Variants in BBC3 observed in about 807,000 individuals in gnomAD.
BBC3 encodes BCL2 binding component 3.
In BBC3, 5 loss-of-function variants were observed where a neutral mutation model predicts 18.2. The observed-to-expected ratio is 0.27, with a 90% CI of 0.14 to 0.58. BBC3 has a LOEUF of 0.58. Among genes scored for constraint, BBC3 ranks in the 20% least tolerant of loss-of-function variants. The pLI is 0.91. For synonymous variants in BBC3, 119 were observed against 128.0 expected (o/e 0.93, Z 0.47); for missense variants, 224 against 268.9 (o/e 0.83, Z 1.17).
intron 3 of BBC3, among the ~76,000 whole-genome samples, chr19:47,224,265 A>T (rs1240170294): frequency 6.6e-6 from 1 of 152,140 alleles, no homozygotes; most frequent in Non-Finnish European, 1.5e-5. Context: ...ATTGCACTCC[A>T]ACCTGGGCAA....
upstream of BBC3, chr19:47,232,742 G>A (rs1336891148): frequency 2.8e-6 from 2 of 709,598 alleles, no homozygotes; most frequent in South Asian, 2.2e-5. Flanking sequence ...ATCCTTACTG[G>A]GTCTCACCCA....
At chr19:47,226,416 C>T (rs1316378370) in intron 3 of BBC3, 148 bp downstream of exon 3, 2 of 263,650 alleles carry the variant, frequency 7.6e-6, no homozygotes, top group Non-Finnish European at 1.5e-5. Flanking sequence ...CGCGCGATTC[C>T]CCCCCACCCA....
Position 47,230,891 on chromosome 19 carries a change from G to A in BBC3, c.-16+38C>T. On this transcript the variant is annotated intron_variant, in intron 1 of 3. Coordinates refer to ENST00000439096, the MANE Select transcript of BBC3 (RefSeq NM_014417.5). This position sits in a 1 kb window ranked among gnomAD's most constrained non-coding sequence, Gnocchi z 6.7. Reference sequence around the variant, plus strand: ...TCCAGGGAGTCCACCCGGCCTGGCCGATCGCCGCCGGAGAGGATTCGGGGC... The same window carrying A: ...TCCAGGGAGTCCACCCGGCCTGGCCAATCGCCGCCGGAGAGGATTCGGGGC... The A allele has an allele frequency of 1.0e-6, 1 of 981,884 alleles. No individual in the cohort carries two copies. Among genetic ancestry groups the A allele is most frequent in the African/African-American group, 1.7e-5 (1 of 57,220 alleles). 60.8% of individuals were successfully genotyped at this position (981,884 alleles called of 1,614,324 possible).
intron 3 of BBC3, among the ~76,000 whole-genome samples, chr19:47,223,966 A>T (rs1299294437): frequency 6.6e-6 from 1 of 152,076 alleles, no homozygotes; most frequent in Non-Finnish European, 1.5e-5. Flanking sequence ...ACAAGAGCGC[A>T]CCCGGAAATA....
rs560015110 is a variant in BBC3 at position 47,221,669 on chromosome 19, C to G, written c.*133G>C. 1 of 1,528,374 alleles carries G rather than the reference C, an allele frequency of 6.5e-7. No individual in the cohort carries two copies. The highest frequency in any genetic ancestry group is 8.7e-7 in the Non-Finnish European group (1 of 1,143,388). 94.7% of individuals were successfully genotyped at this position (1,528,374 alleles called of 1,614,324 possible). ...GCTGGAGTGGCTGCCCCGGCCCGCC[C>G]CCGGGACAGGCAGGGCTGGGAGTCC... On this transcript the variant is annotated 3_prime_UTR_variant, in exon 4 of 4. Coordinates refer to ENST00000439096, the MANE Select transcript of BBC3 (RefSeq NM_014417.5).
intron 3 of BBC3, among the ~76,000 whole-genome samples, chr19:47,223,530 G>A (rs1193688743): frequency 6.6e-6 from 1 of 152,100 alleles, no homozygotes; most frequent in Non-Finnish European, 1.5e-5. Context: ...TTGCACCACT[G>A]CACTCCAGCC....
rs920158987 is a variant in BBC3 at position 47,223,464 on chromosome 19, G to A, written c.466-1546C>T. ...CACCTGTATTCCCAGCTACTAGGGA[G>A]GCCAAGGCAGGAGAATCGCTTGAAC... On this transcript the variant is annotated intron_variant, in intron 3 of 3. Coordinates refer to ENST00000439096, the MANE Select transcript of BBC3 (RefSeq NM_014417.5). Among the ~76,000 whole-genome samples the A allele has an allele frequency of 3.3e-5, 5 of 151,938 alleles. No homozygotes were observed. In the South Asian group the frequency reaches 6.2e-4, roughly 19 times the overall value.
chr19:47,221,981 T>C, intron 3 of BBC3, 63 bp from the exon 4 acceptor site: 1 of 1,428,600 alleles, frequency 7.0e-7, no homozygotes, highest in Non-Finnish European at 9.5e-7. Context: ...GGAGTGGGGA[T>C]GGTCAGCTCC....
chr19:47,221,861 T>A lies in BBC3; in HGVS notation c.523A>T (p.Ile175Phe). Reference sequence around the variant, plus strand: ...CTGGGTAAGGGCAGGAGTCCCATGATGAGATTGTACAGGACCCTCCAGGGT... The same window carrying A: ...CTGGGTAAGGGCAGGAGTCCCATGAAGAGATTGTACAGGACCCTCCAGGGT... The part of the protein sequence containing the change: ...PSPWRVLYNL[I>F]MGLLPLPRGH... The change falls in exon 4 of 4, where the codon ATC becomes TTC. Residue 175 changes from isoleucine (I) to phenylalanine (F), a missense_variant. Transcript: ENST00000439096. The A allele has an allele frequency of 6.2e-7, 1 of 1,603,964 alleles. No homozygotes were observed. Among genetic ancestry groups the A allele is most frequent in the Non-Finnish European group, 8.5e-7 (1 of 1,171,328 alleles).
chr19:47,226,146 G>T (rs1328633664), intron 3 of BBC3, among the ~76,000 whole-genome samples: 1 of 151,702 alleles, frequency 6.6e-6, no homozygotes, highest in African/African-American at 2.4e-5. Context: ...CCGCCCCGGC[G>T]CCCGGGAAAC....
At chr19:47,229,817 C>T (rs1269809821) in intron 1 of BBC3, among the ~76,000 whole-genome samples, 2 of 151,964 alleles carry the variant, frequency 1.3e-5, no homozygotes, top group Non-Finnish European at 2.9e-5. Context: ...CACACACATA[C>T]ATACACACAC....
At chr19:47,232,220 G>T (rs902793266), upstream of BBC3, among the ~76,000 whole-genome samples, 1 of 152,030 alleles carries the variant, frequency 6.6e-6, no homozygotes, top group Non-Finnish European at 1.5e-5. Flanking sequence ...GCGTTGTGGC[G>T]CATGCCTGTA....
At chr19:47,223,797 T>C (rs984507468) in intron 3 of BBC3, among the ~76,000 whole-genome samples, 2 of 152,078 alleles carry the variant, frequency 1.3e-5, no homozygotes, top group African/African-American at 4.8e-5. Flanking sequence ...CTAGCAACTC[T>C]TGGGGCCAGG....
intron 3 of BBC3, among the ~76,000 whole-genome samples, chr19:47,225,005 G>T (rs924329556): frequency 6.6e-6 from 1 of 151,926 alleles, no homozygotes; most frequent in Non-Finnish European, 1.5e-5. Flanking sequence ...TCTGCCTCCC[G>T]GTTTCAAGCA....
Position 47,221,899 on chromosome 19 carries a change from C to G in BBC3, c.485G>C (p.Arg162Pro), listed in dbSNP as rs766673586. 1 of 1,606,710 alleles carries G rather than the reference C, an allele frequency of 6.2e-7. No homozygotes were observed. Among genetic ancestry groups the G allele is most frequent in the East Asian group, 2.2e-5 (1 of 44,472 alleles). The part of the protein sequence containing the change: ...YERRRQEEQQ[R>P]HRPSPWRVLY... ...GACCCTCCAGGGTGAGGGGCGGTGC[C>G]GCTGCTGCTCCTCTTGTCTCTGGGG... is the stretch of plus-strand genomic sequence containing the variant. Residue 162 changes from arginine to proline, a missense_variant, in exon 4 of 4, where the codon CGG (arginine) becomes CCG (proline). By Grantham distance (103) the Arg-to-Pro change is moderately radical. Transcript: ENST00000439096.
chr19:47,232,429 C>A (rs748525261), upstream of BBC3: 121 of 1,170,250 alleles, frequency 1.0e-4, no homozygotes, highest in Middle Eastern at 6.0e-4. Flanking sequence ...ACCACCCACA[C>A]ATGTCACAAA....
chr19:47,225,403 G>A (rs897824828), intron 3 of BBC3, among the ~76,000 whole-genome samples: 1 of 151,744 alleles, frequency 6.6e-6, no homozygotes, highest in Non-Finnish European at 1.5e-5. Context: ...TGTCCCCCAG[G>A]CTGGAGTTCA....
At chr19:47,231,250 C>T, upstream of BBC3, 1 of 962,582 alleles carries the variant, frequency 1.0e-6, no homozygotes. This position sits in a 1 kb window ranked among gnomAD's most constrained non-coding sequence, Gnocchi z 4.0. Context: ...CGCCCCGCCC[C>T]GCCCCGCCCC....
Position 47,221,872 on chromosome 19 carries a change from A to G in BBC3, c.512T>C (p.Leu171Pro). The G allele has an allele frequency of 1.2e-6, 2 of 1,612,776 alleles. No individual in the cohort carries two copies. Among genetic ancestry groups the G allele is most frequent in the Non-Finnish European group, 1.7e-6 (2 of 1,179,534 alleles). ...CAGGAGTCCCATGATGAGATTGTACAGGACCCTCCAGGGTGAGGGGCGGTG... is the reference window on the plus strand; with the variant it reads ...CAGGAGTCCCATGATGAGATTGTACGGGACCCTCCAGGGTGAGGGGCGGTG... Reference protein sequence around the residue: ...QRHRPSPWRVLYNLIMGLLPL... With the variant: ...QRHRPSPWRVPYNLIMGLLPL... Residue 171 changes from leucine to proline, a missense_variant, in exon 4 of 4, where the codon CTG (leucine) becomes CCG (proline). Transcript: ENST00000439096.
Sources: gnomAD v4.1 joint callset for allele counts (sites outside exome capture counted in the v4.1 genomes callset) on GRCh38, gnomAD v4.1.1 for gene constraint, Gnocchi (gnomAD v3.1) non-coding constraint, MANE v1.5 for transcripts, NCBI Gene and HGNC (gene_info 2026-07-23, HGNC 2026-07-21) for gene names.